The following USP10 variants were observed in gnomAD, a reference collection of about 807,000 sequenced individuals.
The protein encoded by USP10 is ubiquitin specific peptidase 10.
A neutral mutation model predicts 84.5 loss-of-function variants in USP10; 22 were observed. The ratio of observed to expected loss-of-function variants is 0.26; its 90% CI spans 0.19 to 0.37. The LOEUF is 0.37. Among genes scored for constraint, USP10 ranks in the 10% least tolerant of loss-of-function variants. The pLI, the probability that USP10 is intolerant of heterozygous loss-of-function variation, is 1.00. For missense variants in USP10, 1,019 were observed against 998.9 expected, an observed-to-expected ratio of 1.02 and a Z score of -0.27; for synonymous variants, 454 against 387.6, an observed-to-expected ratio of 1.17 and a Z score of -2.01.
chr16:84,778,617 CGTG>C (rs1915263311), intron 13 of USP10, among the ~76,000 whole-genome samples: 1 of 152,078 alleles, frequency 6.6e-6, no homozygotes, highest in African/African-American at 2.4e-5. Context: ...CTGTGTGAGG[CGTG>C]GGACATTTTA....
chr16:84,759,993 T>C (rs377214798), intron 7 of USP10, 47 bp downstream of exon 7: 27 of 1,600,838 alleles, frequency 1.7e-5, no homozygotes, highest in African/African-American at 4.0e-5. Context: ...TTGGGAGTTA[T>C]GGAGACAGAT....
chr16:84,736,155 A>G (rs573902135), intron 2 of USP10, among the ~76,000 whole-genome samples: 2 of 152,210 alleles, frequency 1.3e-5, no homozygotes, highest in African/African-American at 2.4e-5. Flanking sequence ...CTCAGGTAAC[A>G]TAATTGCCGC....
intron 1 of USP10, among the ~76,000 whole-genome samples, chr16:84,718,540 C>T (rs1463658548): frequency 6.6e-6 from 1 of 152,108 alleles, no homozygotes; most frequent in Non-Finnish European, 1.5e-5. Context: ...GGGTGGATCA[C>T]CTGTCAGGAG....
chr16:84,770,196 C>T (rs894365977), intron 11 of USP10, among the ~76,000 whole-genome samples: 5 of 152,116 alleles, frequency 3.3e-5, no homozygotes, highest in Non-Finnish European at 5.9e-5. Context: ...GTTCTGGGTG[C>T]GTGGTTGTGG....
At chr16:84,751,111 A>G (rs1208279804) in intron 4 of USP10, among the ~76,000 whole-genome samples, 1 of 152,226 alleles carries the variant, frequency 6.6e-6, no homozygotes, top group Non-Finnish European at 1.5e-5. Context: ...GGAGCTAAAC[A>G]ATTTCTAGTG....
In USP10 at chr16:84,733,518, T is replaced by G. The variant is rs1909510079; in HGVS notation, c.90+15T>G. 1 of 1,592,448 alleles carries G rather than the reference T, an allele frequency of 6.3e-7. No homozygotes were observed. The highest frequency in any genetic ancestry group is 8.6e-7 in the Non-Finnish European group (1 of 1,165,766). ...CTTCAGTTGAGGTAAGACAAAACTT[T>G]GTTTTAGTGAGTCCGTGGGTAGATA... On this transcript the variant is annotated intron_variant, in intron 2 of 13. Coordinates refer to ENST00000219473, the MANE Select transcript of USP10 (RefSeq NM_005153.3).
intron 11 of USP10, among the ~76,000 whole-genome samples, chr16:84,770,992 G>C (rs1005245708): frequency 6.6e-6 from 1 of 151,540 alleles, no homozygotes; most frequent in Admixed American, 6.6e-5. Flanking sequence ...TGGAGGTGGA[G>C]GTTGCAGTGA....
At chr16:84,752,886 G>C (rs1300708985) in intron 4 of USP10, among the ~76,000 whole-genome samples, 7 of 152,202 alleles carry the variant, frequency 4.6e-5, no homozygotes, top group African/African-American at 1.7e-4. Context: ...TGGATCTTAA[G>C]AGAAAATCTT....
In USP10 at chr16:84,739,576, T is replaced by C. The variant is rs866189488; in HGVS notation, c.91-733T>C. ...GCATGAGCCACCATGCCCTGCCCCT[T>C]CCTAAACTTTCTTACACCCAATGTG... On this transcript the variant is annotated intron_variant, in intron 2 of 13. Coordinates refer to ENST00000219473, the MANE Select transcript of USP10 (RefSeq NM_005153.3). Among the ~76,000 whole-genome samples the C allele has an allele frequency of 2.0e-4, 31 of 152,318 alleles. 1 individual carries two copies. In the Middle Eastern group the frequency reaches 0.027, roughly 134 times the overall value.
At chr16:84,766,371 G>GA (rs1332094681) in intron 10 of USP10, among the ~76,000 whole-genome samples, 1 of 152,222 alleles carries the variant, frequency 6.6e-6, no homozygotes, top group Non-Finnish European at 1.5e-5. Context: ...TGTCACCTGG[G>GA]AAACACCCAG....
chr16:84,722,416 T>C (rs1907930948), intron 1 of USP10, among the ~76,000 whole-genome samples: 1 of 152,242 alleles, frequency 6.6e-6, no homozygotes, highest in South Asian at 2.1e-4. Context: ...GGACATAGGT[T>C]TTCATTTCTT....
chr16:84,760,032 T>A (rs1597381117), intron 7 of USP10, 86 bp downstream of exon 7: 1 of 1,557,380 alleles, frequency 6.4e-7, no homozygotes, highest in East Asian at 2.2e-5. Flanking sequence ...TCAGTCTTGT[T>A]GGGAAGATAG....
intron 1 of USP10, among the ~76,000 whole-genome samples, chr16:84,703,502 C>T (rs777468768): frequency 2.0e-5 from 3 of 152,196 alleles, no homozygotes; most frequent in Non-Finnish European, 2.9e-5. Context: ...CTGAATGTTA[C>T]TGTATTGCTG....
chr16:84,747,041 G>A (rs1440583546), intron 4 of USP10, among the ~76,000 whole-genome samples: 1 of 152,216 alleles, frequency 6.6e-6, no homozygotes, highest in Non-Finnish European at 1.5e-5. Context: ...GACGCCACTA[G>A]GCGGCAGGAC....
At chr16:84,772,771 T>C in intron 12 of USP10, 86 bp downstream of exon 12, 4 of 1,522,178 alleles carry the variant, frequency 2.6e-6, no homozygotes. Context: ...CTTTATGATG[T>C]CAAGAGTGAG....
At chr16:84,733,557 T>G in intron 2 of USP10, 54 bp downstream of exon 2, 1 of 1,252,214 alleles carries the variant, frequency 8.0e-7, no homozygotes, top group South Asian at 1.4e-5. Context: ...TTAATAGTTA[T>G]GTTTCTATTT....
At chr16:84,760,748 T>G (rs1380868450) in intron 8 of USP10, among the ~76,000 whole-genome samples, 2 of 152,182 alleles carry the variant, frequency 1.3e-5, no homozygotes, top group African/African-American at 2.4e-5. Flanking sequence ...CATACTTTGT[T>G]ACTAAAGGCA....
At chr16:84,744,127 C>G (rs1910941210) in intron 3 of USP10, among the ~76,000 whole-genome samples, 1 of 151,632 alleles carries the variant, frequency 6.6e-6, no homozygotes, top group African/African-American at 2.4e-5. Context: ...CTAATTTCTC[C>G]TATCCAGTAT....
chr16:84,706,626 C>T (rs895013504), intron 1 of USP10, among the ~76,000 whole-genome samples: 39 of 151,500 alleles, frequency 2.6e-4, no homozygotes, highest in African/African-American at 9.0e-4. Flanking sequence ...CTGCAAGCTC[C>T]GCCTCCCGGG....
Sources: allele counts gnomAD v4.1 joint callset (sites outside exome capture counted in the v4.1 genomes callset), GRCh38; gene constraint gnomAD v4.1.1; transcripts MANE v1.5; gene names NCBI Gene and HGNC (gene_info 2026-07-23, HGNC 2026-07-21).